The following CORO7 variants were observed in gnomAD, a reference collection of about 807,000 sequenced individuals.
CORO7 encodes coronin-7.
A neutral mutation model predicts 126.6 loss-of-function variants in CORO7; 107 were observed. That is an observed-to-expected ratio of 0.85 (90% confidence interval 0.72 to 0.99). The LOEUF (loss-of-function observed/expected upper bound fraction) is 0.99. Among genes scored for constraint, CORO7 ranks in the 50% least tolerant of loss-of-function variants. The probability of loss-of-function intolerance (pLI) is 0.00; values close to 1 mark genes in which losing one functional copy is unlikely to be tolerated. For missense variants in CORO7, 1,314 were observed against 1,255.8 expected (o/e 1.05, Z -0.70); for synonymous variants, 603 against 536.8 (o/e 1.12, Z -1.70).
At chr16:4,392,158 G>C (rs1283171232) in intron 7 of CORO7, among the ~76,000 whole-genome samples, 4 of 152,158 alleles carry the variant, frequency 2.6e-5, no homozygotes, top group Non-Finnish European at 1.5e-5. Flanking sequence ...CCCAGACAAG[G>C]GTTCTGAGGC....
intron 9 of CORO7, among the ~76,000 whole-genome samples, chr16:4,384,982 G>C (rs993660800): frequency 1.3e-5 from 2 of 152,168 alleles, no homozygotes; most frequent in African/African-American, 4.8e-5. Flanking sequence ...GTGGCGGGGG[G>C]GTGGCAGGGC....
At chr16:4,386,941 C>G (rs1039158878) in intron 9 of CORO7, among the ~76,000 whole-genome samples, 1 of 152,200 alleles carries the variant, frequency 6.6e-6, no homozygotes, top group Non-Finnish European at 1.5e-5. Context: ...GACACATACC[C>G]TTGCTGCTCC....
chr16:4,413,804 C>G (rs186236224), intron 1 of CORO7, among the ~76,000 whole-genome samples: 9 of 151,430 alleles, frequency 5.9e-5, no homozygotes, highest in Admixed American at 5.9e-4. Context: ...TCCCAAAGTG[C>G]TGGGATTACA....
At position 4,412,384 on chromosome 16, in the gene CORO7, T is replaced by C. The variant is rs2056244968; in HGVS notation, c.204A>G (p.Arg68=). The C allele has an allele frequency of 6.2e-7, 1 of 1,614,072 alleles. No homozygotes were observed. The highest frequency in any genetic ancestry group is 8.5e-7 in the Non-Finnish European group (1 of 1,180,040). The change falls in exon 3 of 28, where the codon CGA becomes CGG. Residue 68 remains arginine (R), a synonymous_variant. Coordinates refer to ENST00000251166, the MANE Select transcript of CORO7 (RefSeq NM_024535.5). ...AATGGCAGCCCAGGTGGGCCACGCG[T>C]CGCTTGTCCTCTCCTTGGCCTTGCA... The part of the protein sequence containing the change: ...VPLQGQGEDK[R]RVAHLGCHSD...
rs2056293470 is a variant in CORO7, at chr16:4,413,543, T to A, written c.61-139A>T. ...TCGAGATGCATTCTTTTATTTACTT[T>A]TTTTTTCTTTTTGAGACAGGGTCTC... On this transcript the variant is annotated intron_variant, in intron 1 of 27. Transcript: ENST00000251166. The A allele has an allele frequency of 1.0e-5, 8 of 767,058 alleles. No homozygotes were observed. The Middle Eastern group carries it at 8.7e-4, about 84-fold the overall frequency. The allele number at this position is 767,058 out of a possible 1,614,324, so 47.5% of individuals were successfully genotyped here.
chr16:4,402,605 C>T (rs1051305221), intron 6 of CORO7, among the ~76,000 whole-genome samples: 1 of 152,144 alleles, frequency 6.6e-6, no homozygotes, highest in Non-Finnish European at 1.5e-5. Context: ...CAGGGCTGGG[C>T]GCTGGGGCTA....
At chr16:4,376,310 G>A (rs530114318) in intron 9 of CORO7, among the ~76,000 whole-genome samples, 19 of 152,332 alleles carry the variant, frequency 1.2e-4, no homozygotes, top group African/African-American at 3.1e-4. Context: ...GCACAGTCCC[G>A]CCTGCCTGGA....
rs781665314 is a variant in CORO7, at chr16:4,361,379, G to T, written c.1669C>A (p.Pro557Thr). 8.7e-6 allele frequency: 14 copies of T among 1,612,220 alleles called. No homozygotes were observed. Among genetic ancestry groups the T allele is most frequent in the Non-Finnish European group, 1.2e-5 (14 of 1,179,752 alleles). ...TCCTTACCCACAGCGAGGCGATGGG[G>T]GTCAAAGGGGTCCCAGGCCAGATCA... is the stretch of plus-strand genomic sequence containing the variant. Reference protein sequence around the residue: ...VTDLAWDPFDPHRLAVAGEDA... With the variant: ...VTDLAWDPFDTHRLAVAGEDA... The change falls in exon 17 of 28, where the codon CCC (proline) becomes ACC (threonine). Residue 557 changes from proline to threonine, a missense_variant. Transcript: ENST00000251166.
intron 9 of CORO7, among the ~76,000 whole-genome samples, chr16:4,369,234 G>A (rs1197541865): frequency 5.9e-5 from 9 of 152,274 alleles, no homozygotes; most frequent in Non-Finnish European, 8.8e-5. Context: ...CCTGTCTGCC[G>A]TGGCACGGGC....
At chr16:4,414,841 C>A (rs539086289) in intron 1 of CORO7, among the ~76,000 whole-genome samples, 2 of 152,062 alleles carry the variant, frequency 1.3e-5, no homozygotes, top group African/African-American at 2.4e-5. Flanking sequence ...AACCTAGGTA[C>A]CTCCTCCTAA....
intron 7 of CORO7, among the ~76,000 whole-genome samples, chr16:4,393,376 A>G (rs1020917105): frequency 2.2e-4 from 33 of 152,206 alleles, no homozygotes; most frequent in Non-Finnish European, 1.0e-4. Context: ...ACCATCTACC[A>G]GGCCCAGGTC....
chr16:4,357,416 G>A (rs2054012877), intron 25 of CORO7, 157 bp from the exon 26 acceptor site: 2 of 774,792 alleles, frequency 2.6e-6, no homozygotes. Flanking sequence ...GGAGTGCAAT[G>A]ATGTGACCTA....
intron 3 of CORO7, among the ~76,000 whole-genome samples, chr16:4,410,795 C>T (rs537452185): frequency 1.3e-5 from 2 of 152,294 alleles, no homozygotes; most frequent in South Asian, 2.1e-4. Context: ...TCAACAGTCT[C>T]GGTCACAACT....
chr16:4,377,832 C>T (rs1285989464), intron 9 of CORO7, among the ~76,000 whole-genome samples: 3 of 152,184 alleles, frequency 2.0e-5, no homozygotes, highest in South Asian at 2.1e-4. Flanking sequence ...GCACATTTTA[C>T]GGGGCTGGGA....
intron 16 of CORO7, 149 bp from the exon 17 acceptor site, chr16:4,361,618 C>T: frequency 1.0e-6 from 1 of 988,938 alleles, no homozygotes; most frequent in Non-Finnish European, 1.5e-6. Context: ...GCCCTGACCA[C>T]CTTGCGCTCT....
intron 7 of CORO7, among the ~76,000 whole-genome samples, chr16:4,394,694 C>G (rs1201365403): frequency 6.6e-6 from 1 of 152,232 alleles, no homozygotes; most frequent in Non-Finnish European, 1.5e-5. Context: ...GTTTACGGAG[C>G]CAGACACAGG....
At chr16:4,394,238 G>A (rs143805700) in intron 7 of CORO7, among the ~76,000 whole-genome samples, 1,855 of 152,158 alleles carry the variant, frequency 0.012, 40 homozygotes, top group African/African-American at 0.043. Flanking sequence ...GAGGTCAGGA[G>A]ATCGAGACCA....
At chr16:4,382,527 C>T (rs767150297) in intron 9 of CORO7, 27 of 1,592,242 alleles carry the variant, frequency 1.7e-5, no homozygotes, top group South Asian at 1.0e-4. Flanking sequence ...AGGAGGCCTG[C>T]GGGGAGGCCC....
chr16:4,410,082 A>G (rs1006441341), intron 3 of CORO7, among the ~76,000 whole-genome samples: 1 of 152,156 alleles, frequency 6.6e-6, no homozygotes, highest in South Asian at 2.1e-4. Flanking sequence ...ACCACCTTGC[A>G]AGCATCACCA....
Sources: allele counts gnomAD v4.1 joint callset (sites outside exome capture counted in the v4.1 genomes callset), GRCh38; gene constraint gnomAD v4.1.1; transcripts MANE v1.5; gene names NCBI Gene and HGNC (gene_info 2026-07-23, HGNC 2026-07-21).